The following BPTF variants were observed in gnomAD, a reference collection of about 807,000 sequenced individuals.
BPTF encodes the protein nucleosome-remodeling factor subunit BPTF.
BPTF carries 18 observed loss-of-function variants against 292.5 expected under a neutral mutation model. That is an observed-to-expected ratio of 0.06 (90% confidence interval 0.04 to 0.09). The LOEUF is 0.09. BPTF is among the 10% of genes least tolerant of loss of function. The pLI is 1.00. For missense variants in BPTF, 2,726 were observed against 3,498.7 expected (o/e 0.78, Z 5.57); for synonymous variants, 1,225 against 1,251.9 (o/e 0.98, Z 0.45).
At chr17:67,917,947 G>T (rs1386332619) in intron 11 of BPTF, among the ~76,000 whole-genome samples, 2 of 152,184 alleles carry the variant, frequency 1.3e-5, no homozygotes, top group African/African-American at 2.4e-5. Context: ...GAGTAGCTGG[G>T]ACTACAGGCA....
At chr17:67,936,780 G>A (rs2064951277) in intron 18 of BPTF, 2 of 152,182 alleles carry the variant, frequency 1.3e-5, no homozygotes, top group African/African-American at 4.8e-5. Context: ...GTGCCAGGGT[G>A]TATGTGTTTT....
At chr17:67,833,686 A>G (rs947682367) in intron 1 of BPTF, among the ~76,000 whole-genome samples, 3 of 151,496 alleles carry the variant, frequency 2.0e-5, no homozygotes, top group African/African-American at 4.9e-5. Context: ...CTCCTGTCTC[A>G]GCCTCCTGAG....
intron 1 of BPTF, among the ~76,000 whole-genome samples, chr17:67,840,076 G>T (rs2144324213): frequency 6.7e-6 from 1 of 148,990 alleles, no homozygotes; most frequent in African/African-American, 2.5e-5. Context: ...TTTGCCATCT[G>T]TATACCATTT....
At chr17:67,833,169 G>GT (rs1272040081) in intron 1 of BPTF, among the ~76,000 whole-genome samples, 2 of 151,292 alleles carry the variant, frequency 1.3e-5, no homozygotes, top group African/African-American at 4.9e-5. Flanking sequence ...TTAGCCTAAT[G>GT]TTTTCAAGCG....
intron 2 of BPTF, among the ~76,000 whole-genome samples, chr17:67,862,386 A>G (rs1199916905): frequency 6.6e-6 from 1 of 152,224 alleles, no homozygotes; most frequent in Non-Finnish European, 1.5e-5. Flanking sequence ...CACTTTATAT[A>G]TTTTAATTAA....
At position 67,912,291 on chromosome 17, in the gene BPTF, T is replaced by C. The variant is rs1940933099; in HGVS notation, c.4407T>C (p.Asp1469=). ...CTATAAGGCCATTCATTAATGGTGA[T>C]GTCATCATGGAAGATTTTAATGAAA... ...ESAIRPFING[D]VIMEDFNERN... is the part of the protein sequence containing the mutation. The change falls in exon 11 of 28, where the codon GAT becomes GAC. Residue 1469 remains aspartate, a synonymous_variant. Transcript: ENST00000306378. The C allele has an allele frequency of 6.2e-7, 1 of 1,613,732 alleles. No homozygotes were observed. The highest frequency in any genetic ancestry group is 1.3e-5 in the African/African-American group (1 of 74,920).
intron 23 of BPTF, among the ~76,000 whole-genome samples, chr17:67,952,676 G>C (rs1766640319): frequency 6.6e-6 from 1 of 152,104 alleles, no homozygotes; most frequent in South Asian, 2.1e-4. Flanking sequence ...ACATTTGTTA[G>C]AATTAATGAG....
intron 3 of BPTF, among the ~76,000 whole-genome samples, chr17:67,872,886 A>T (rs1373032536): frequency 6.6e-6 from 1 of 152,102 alleles, no homozygotes; most frequent in Non-Finnish European, 1.5e-5. Context: ...GTTCAAGACC[A>T]GTCTGGGCAA....
At chr17:67,853,803 C>A in intron 1 of BPTF, 137 bp from the exon 2 acceptor site, 1 of 673,400 alleles carries the variant, frequency 1.5e-6, no homozygotes, top group Non-Finnish European at 2.5e-6. Flanking sequence ...TGAATCATTG[C>A]TTCTTCGTAT....
At position 67,910,813 on chromosome 17, in the gene BPTF, T is replaced by G; in HGVS notation, c.2993-64T>G. On this transcript the variant is annotated intron_variant, in intron 10 of 27. Transcript: ENST00000306378. ...AGACTCCATCTCAAAAAAAAAAATA[T>G]ATATATATAAATTCCTCCTTTCAGA... 2 of 793,270 alleles carry G rather than the reference T, an allele frequency of 2.5e-6. 1 individual carries two copies. The allele number at this position is 793,270 out of a possible 1,614,324, so 49.1% of individuals were successfully genotyped here. A position where few individuals can be genotyped will look rare whatever the true frequency, so the allele number is the denominator to read the frequency against.
At chr17:67,904,475 C>T (rs1310193341) in intron 8 of BPTF, among the ~76,000 whole-genome samples, 2 of 152,346 alleles carry the variant, frequency 1.3e-5, no homozygotes, top group African/African-American at 4.8e-5. Flanking sequence ...AATTGTGTTA[C>T]ATTTTACATG....
intron 21 of BPTF, 48 bp downstream of exon 21, chr17:67,946,373 T>C (rs1555675488): frequency 6.3e-7 from 1 of 1,588,956 alleles, no homozygotes; most frequent in African/African-American, 1.3e-5. Flanking sequence ...TGAATTATTG[T>C]GCTGTGCAGT....
Position 67,909,627 on chromosome 17 carries a change from A to G in BPTF, c.2858A>G (p.Lys953Arg), listed in dbSNP as rs1225349960. 2 of 1,590,148 alleles carry G rather than the reference A, an allele frequency of 1.3e-6. No individual in the cohort carries two copies. Among genetic ancestry groups the G allele is most frequent in the South Asian group, 1.2e-5 (1 of 84,660 alleles). ...DENMDESDKR[K>R]CSRSPKKIKI... ...AATATGGATGAGTCAGATAAAAGAA[A>G]ATGTTCACGAAGTCCAAAAAAAATA... is the stretch of plus-strand genomic sequence containing the variant. The change falls in exon 10 of 28, where the codon AAA becomes AGA. Residue 953 changes from lysine (K) to arginine (R), a missense_variant. Physicochemically the swap from Lys to Arg is conservative, Grantham distance 26. Around this residue, in one of 22 missense-constraint regions of BPTF, gnomAD observed 713 missense variants for 714.9 expected, o/e 1.00. Transcript: ENST00000306378.
intron 18 of BPTF, among the ~76,000 whole-genome samples, chr17:67,932,714 A>C (rs2064509698): frequency 6.6e-6 from 1 of 152,142 alleles, no homozygotes; most frequent in African/African-American, 2.4e-5. Context: ...AAAGAAAAAA[A>C]AGTTGAAAAT....
In BPTF at chr17:67,934,870, C is replaced by CAAAAA. The variant is rs569120237; in HGVS notation, c.6259+2866_6259+2870dup. Among the ~76,000 whole-genome samples the CAAAAA allele has an allele frequency of 6.5e-4, 59 of 90,932 alleles. 3 individuals are homozygous for CAAAAA. Among genetic ancestry groups the CAAAAA allele is most frequent in the African/African-American group, 2.2e-3 (39 of 17,434 alleles). 59.7% of individuals were successfully genotyped at this position (90,932 alleles called of 152,430 possible). On this transcript the variant is annotated intron_variant, in intron 18 of 27. Transcript: ENST00000306378. ...CTGAGCAATGAGCGAAACTCTGTCT[C>CAAAAA]AAAAAAAAAAAAAAAAAAAGCATGT...
chr17:67,855,169 C>T (rs777205898), intron 2 of BPTF, among the ~76,000 whole-genome samples: 16 of 152,034 alleles, frequency 1.1e-4, no homozygotes, highest in East Asian at 3.9e-4. Context: ...GGTGTGGTGG[C>T]GCACACCTGT....
chr17:67,933,584 GA>G (rs1033280817), intron 18 of BPTF, among the ~76,000 whole-genome samples: 4 of 151,386 alleles, frequency 2.6e-5, no homozygotes, highest in African/African-American at 9.7e-5. Context: ...AAGAAAAAAA[GA>G]AAAAAAAGAT....
chr17:67,912,492 A>G lies in BPTF; in HGVS notation c.4608A>G (p.Ile1536Met), dbSNP rs757610265. Residue 1536 changes from isoleucine (I) to methionine (M), a missense_variant, in exon 11 of 28, where the codon ATA becomes ATG. Transcript: ENST00000306378. ...NSVNQVEDME[I>M]ETSEVKKVTS... ...TTAATCAGGTAGAAGATATGGAAATAGAAACCTCAGAAGTTAAGAAAGTTA... is the reference window on the plus strand; with the variant it reads ...TTAATCAGGTAGAAGATATGGAAATGGAAACCTCAGAAGTTAAGAAAGTTA... The G allele has an allele frequency of 6.2e-7, 1 of 1,614,006 alleles. No individual in the cohort carries two copies. The highest frequency in any genetic ancestry group is 8.5e-7 in the Non-Finnish European group (1 of 1,179,960).
intron 4 of BPTF, among the ~76,000 whole-genome samples, chr17:67,879,930 T>C (rs1291660910): frequency 6.6e-6 from 1 of 152,158 alleles, no homozygotes; most frequent in African/African-American, 2.4e-5. Context: ...ACCTCCAACA[T>C]TGGGATCAAA....
Sources: gnomAD v4.1 joint callset for allele counts (sites outside exome capture counted in the v4.1 genomes callset) on GRCh38, gnomAD v4.1.1 for gene constraint, gnomAD v4.1.1 regional missense constraint, MANE v1.5 for transcripts, NCBI Gene and HGNC (gene_info 2026-07-23, HGNC 2026-07-21) for gene names.